DAOA: variants seen among roughly 807,000 people sequenced by gnomAD.
DAOA encodes D-amino acid oxidase regulator.
A neutral mutation model predicts 16.4 loss-of-function variants in DAOA; 15 were observed. The observed-to-expected ratio is 0.91, with a 90% CI of 0.61 to 1.41. DAOA has a LOEUF of 1.41. Ranked by LOEUF, DAOA falls within the 40% of genes most tolerant of loss-of-function variation. The pLI is 0.00. For missense variants in DAOA, 230 were observed against 176.8 expected (o/e 1.30, Z -1.71); for synonymous variants, 75 against 59.1 (o/e 1.27, Z -1.23).
chr13:105,489,964 C>T lies in DAOA; in HGVS notation c.345C>T (p.Ala115=). 6.2e-7 allele frequency: 1 copy of T among 1,613,710 alleles called. No individual in the cohort carries two copies. The highest frequency in any genetic ancestry group is 8.5e-7 in the Non-Finnish European group (1 of 1,179,876). ...TGGCAAGAAACTATGAGTTCCTTGC[C>T]TATGAGGCCTCTAAGGACCGCAGGC... The part of the protein sequence containing the change: ...VFMARNYEFL[A]YEASKDRRQP... The change falls in exon 5 of 6, where the codon GCC becomes GCT. Residue 115 remains alanine, a synonymous_variant. Transcript: ENST00000375936.
chr13:105,478,061 A>G (rs1363747523), intron 4 of DAOA, among the ~76,000 whole-genome samples: 1 of 152,186 alleles, frequency 6.6e-6, no homozygotes. Flanking sequence ...TATGAAATAT[A>G]TTTGGTTTCT....
chr13:105,481,024 T>C (rs550472801), intron 4 of DAOA, among the ~76,000 whole-genome samples: 1 of 152,284 alleles, frequency 6.6e-6, no homozygotes, highest in Admixed American at 6.5e-5. Flanking sequence ...CCATTTGACA[T>C]CTAAAATTAT....
intron 4 of DAOA, among the ~76,000 whole-genome samples, chr13:105,475,732 A>G (rs1877282271): frequency 1.3e-5 from 2 of 152,206 alleles, no homozygotes. Flanking sequence ...AGGGTGAAGA[A>G]TATTACATTA....
At chr13:105,466,405 C>A in intron 2 of DAOA, 73 bp downstream of exon 2, 4 of 1,607,596 alleles carry the variant, frequency 2.5e-6, no homozygotes, top group Non-Finnish European at 3.4e-6. Flanking sequence ...GCACAGAGCT[C>A]CCAGGGTGAA....
chr13:105,470,337 G>A (rs1876844655), intron 3 of DAOA, among the ~76,000 whole-genome samples: 3 of 151,876 alleles, frequency 2.0e-5, no homozygotes, highest in African/African-American at 4.8e-5. Context: ...AGCCATGCTG[G>A]CAACTTGTCT....
chr13:105,468,769 G>T (rs1214821926), intron 3 of DAOA, among the ~76,000 whole-genome samples: 2 of 152,204 alleles, frequency 1.3e-5, no homozygotes, highest in Non-Finnish European at 2.9e-5. Context: ...GTCTTCTAAT[G>T]ATGGCCATGC....
intron 3 of DAOA, among the ~76,000 whole-genome samples, chr13:105,471,871 G>C (rs1280053537): frequency 6.6e-6 from 1 of 152,206 alleles, no homozygotes; most frequent in Non-Finnish European, 1.5e-5. Flanking sequence ...AATCTTGGAA[G>C]ACTCTGCTAG....
At chr13:105,469,355 T>G (rs1031571767) in intron 3 of DAOA, among the ~76,000 whole-genome samples, 4 of 152,234 alleles carry the variant, frequency 2.6e-5, no homozygotes, top group Non-Finnish European at 5.9e-5. Flanking sequence ...CATATTTTAT[T>G]TGGGCTTTAT....
chr13:105,468,692 A>G (rs190694319), intron 3 of DAOA, among the ~76,000 whole-genome samples: 7 of 152,364 alleles, frequency 4.6e-5, no homozygotes, highest in African/African-American at 1.7e-4. Flanking sequence ...AAAGGCATGC[A>G]GTATGTTAAT....
At chr13:105,470,011 T>C (rs1418988065) in intron 3 of DAOA, among the ~76,000 whole-genome samples, 2 of 152,154 alleles carry the variant, frequency 1.3e-5, no homozygotes, top group Non-Finnish European at 2.9e-5. Context: ...TTCCAGCTAA[T>C]GGATTTTTAC....
At chr13:105,485,494 C>A (rs990939640) in intron 4 of DAOA, among the ~76,000 whole-genome samples, 2 of 152,190 alleles carry the variant, frequency 1.3e-5, no homozygotes, top group African/African-American at 2.4e-5. Context: ...TACATGGTTT[C>A]TTTCCACTAA....
intron 3 of DAOA, among the ~76,000 whole-genome samples, chr13:105,469,242 C>T (rs891997042): frequency 2.6e-5 from 4 of 152,172 alleles, no homozygotes; most frequent in Admixed American, 2.6e-4. Context: ...TTATCACCAT[C>T]CACACTGTCT....
At position 105,479,749 on chromosome 13, in the gene DAOA, G is replaced by A. The variant is rs1877577667; in HGVS notation, c.281+7064G>A. On this transcript the variant is annotated intron_variant, in intron 4 of 5. Transcript: ENST00000375936. The stretch of plus-strand genomic sequence containing the variant: ...TTTCCAAATAAGGGCACATTCTGGG[G>A]TTCTGGAAATGACATAAATTTTGAG... 2.6e-5 allele frequency among the ~76,000 whole-genome samples: 4 copies of A among 152,252 alleles called. No individual in the cohort carries two copies. In the South Asian group the frequency reaches 8.3e-4, roughly 32 times the overall value.
chr13:105,475,500 T>C (rs898243917), intron 4 of DAOA, among the ~76,000 whole-genome samples: 5 of 151,734 alleles, frequency 3.3e-5, no homozygotes, highest in African/African-American at 1.2e-4. Flanking sequence ...TCAGAGGAGT[T>C]ACGTTTTATG....
intron 3 of DAOA, among the ~76,000 whole-genome samples, chr13:105,469,958 T>G (rs1304898607): frequency 6.6e-6 from 1 of 152,144 alleles, no homozygotes; most frequent in Admixed American, 6.6e-5. Flanking sequence ...CTATTTTTAG[T>G]TTTTTATTTC....
intron 4 of DAOA, among the ~76,000 whole-genome samples, chr13:105,478,756 C>T (rs1029199068): frequency 2.0e-5 from 3 of 152,158 alleles, no homozygotes; most frequent in Non-Finnish European, 4.4e-5. Flanking sequence ...TTGTCCCATG[C>T]CCCTTCTTCT....
intron 4 of DAOA, among the ~76,000 whole-genome samples, chr13:105,482,871 CAGAGGCAT>C (rs931815543): frequency 6.6e-6 from 1 of 152,062 alleles, no homozygotes; most frequent in Admixed American, 6.6e-5. Flanking sequence ...ATCAACTTTA[CAGAGGCAT>C]AACTGACACA....
At chr13:105,482,858 A>T (rs1877850862) in intron 4 of DAOA, among the ~76,000 whole-genome samples, 1 of 152,100 alleles carries the variant, frequency 6.6e-6, no homozygotes, top group Admixed American at 6.5e-5. Context: ...AACTTTTTTT[A>T]AAATCAACTT....
chr13:105,480,878 C>T (rs946040175), intron 4 of DAOA, among the ~76,000 whole-genome samples: 2 of 152,248 alleles, frequency 1.3e-5, no homozygotes, highest in African/African-American at 2.4e-5. Context: ...GCTGATGAGA[C>T]GGCACCTGCC....
Sources: allele counts gnomAD v4.1 joint callset (sites outside exome capture counted in the v4.1 genomes callset), GRCh38; gene constraint gnomAD v4.1.1; transcripts MANE v1.5; gene names NCBI Gene and HGNC (gene_info 2026-07-23, HGNC 2026-07-21).